FBN2: variants seen among roughly 807,000 people sequenced by gnomAD.
The protein encoded by FBN2 is fibrillin 2, also known as fibrillin-2.
A neutral mutation model predicts 355.6 loss-of-function variants in FBN2; 105 were observed. That is an observed-to-expected ratio of 0.30 (90% confidence interval 0.25 to 0.35). The LOEUF (loss-of-function observed/expected upper bound fraction) is 0.35, where lower values mean the gene tolerates loss of function less well. FBN2 is among the 10% of genes least tolerant of loss of function. The pLI is 1.00. For missense variants in FBN2, 3,280 were observed against 3,758.7 expected (o/e 0.87, Z 3.33); for synonymous variants, 1,350 against 1,301.2 (o/e 1.04, Z -0.81).
chr5:128,302,216 A>G (rs1749738511), intron 46 of FBN2, among the ~76,000 whole-genome samples: 1 of 152,238 alleles, frequency 6.6e-6, no homozygotes, highest in African/African-American at 2.4e-5. Flanking sequence ...GTAGTCCCAC[A>G]ATGGTAGAAA....
intron 5 of FBN2, among the ~76,000 whole-genome samples, chr5:128,467,479 A>C (rs1470867370): frequency 2.6e-5 from 4 of 152,158 alleles, no homozygotes; most frequent in African/African-American, 9.7e-5. Context: ...ATATTGTAAA[A>C]GAATTTAAAT....
intron 5 of FBN2, among the ~76,000 whole-genome samples, chr5:128,498,502 A>C (rs1050926892): frequency 3.9e-5 from 6 of 152,122 alleles, no homozygotes; most frequent in African/African-American, 1.4e-4. Context: ...CCTAGCACCA[A>C]CCAAGCCCTC....
At chr5:128,293,903 T>C (rs1177649666) in intron 48 of FBN2, among the ~76,000 whole-genome samples, 1 of 152,048 alleles carries the variant, frequency 6.6e-6, no homozygotes, top group Non-Finnish European at 1.5e-5. Context: ...TAGTTACATA[T>C]GTATACATGT....
At chr5:128,408,846 A>C in intron 7 of FBN2, 47 bp from the exon 8 acceptor site, 1 of 1,611,100 alleles carries the variant, frequency 6.2e-7, no homozygotes, top group Non-Finnish European at 8.5e-7. Flanking sequence ...GCCTTCATTA[A>C]ATAGCTTTTA....
At chr5:128,527,753 T>C (rs906618706) in intron 4 of FBN2, 119 bp downstream of exon 4, 3 of 717,310 alleles carry the variant, frequency 4.2e-6, no homozygotes, top group Non-Finnish European at 7.4e-6. Flanking sequence ...TTTTAAGGTA[T>C]GGTTTACTAC....
chr5:128,348,772 A>C (rs1218886689), intron 23 of FBN2, among the ~76,000 whole-genome samples: 1 of 152,228 alleles, frequency 6.6e-6, no homozygotes, highest in African/African-American at 2.4e-5. Flanking sequence ...ATTCAAGTTC[A>C]AACATGACAC....
chr5:128,397,401 G>A (rs1434564912), intron 8 of FBN2, among the ~76,000 whole-genome samples: 1 of 152,132 alleles, frequency 6.6e-6, no homozygotes, highest in Admixed American at 6.5e-5. Context: ...ATCTCTTCAA[G>A]GCTTCTACAA....
At chr5:128,353,912 T>A (rs1751433896) in intron 20 of FBN2, among the ~76,000 whole-genome samples, 1 of 152,108 alleles carries the variant, frequency 6.6e-6, no homozygotes, top group Non-Finnish European at 1.5e-5. Flanking sequence ...CTTGAAAAGC[T>A]ACAAATCCAT....
intron 5 of FBN2, among the ~76,000 whole-genome samples, chr5:128,488,653 C>G (rs987684706): frequency 1.4e-5 from 2 of 142,656 alleles, no homozygotes; most frequent in African/African-American, 2.6e-5. Context: ...CCTCCCCCTT[C>G]CCCCCACCCC....
At chr5:128,485,782 G>A (rs1248701523) in intron 5 of FBN2, among the ~76,000 whole-genome samples, 1 of 152,082 alleles carries the variant, frequency 6.6e-6, no homozygotes, top group Non-Finnish European at 1.5e-5. Context: ...AGGGAGGAAG[G>A]GCAAGAAGTG....
At chr5:128,456,019 A>AAAAAAAAAAAC (rs1754382095) in intron 6 of FBN2, among the ~76,000 whole-genome samples, 1 of 147,440 alleles carries the variant, frequency 6.8e-6, no homozygotes, top group Non-Finnish European at 1.5e-5. Context: ...AAAAAAAAAA[A>AAAAAAAAAAAC]AAAAGCAACT....
chr5:128,415,209 T>C (rs1458442780), intron 7 of FBN2, among the ~76,000 whole-genome samples: 1 of 152,210 alleles, frequency 6.6e-6, no homozygotes, highest in African/African-American at 2.4e-5. Flanking sequence ...GGTAAAAATA[T>C]TTCAAGTCCT....
rs557425589 is a variant in FBN2, at chr5:128,512,991, C to T, written c.628+6282G>A. Among the ~76,000 whole-genome samples the T allele has an allele frequency of 3.3e-5, 5 of 152,274 alleles. No homozygotes were observed. In the South Asian group the frequency reaches 8.3e-4, roughly 25 times the overall value. ...AAACAGGCATCAGATAGGGCAATCA[C>T]ATTTCTAAAGTTACATAGGTTTTAA... On this transcript the variant is annotated intron_variant, in intron 5 of 64. Transcript: ENST00000262464.
chr5:128,412,205 A>C (rs914699590), intron 7 of FBN2, among the ~76,000 whole-genome samples: 4 of 152,236 alleles, frequency 2.6e-5, no homozygotes, highest in African/African-American at 9.6e-5. Context: ...TCTGAAGTCT[A>C]GAAGTGGTTT....
chr5:128,441,876 G>C (rs1208048224), intron 7 of FBN2: 1 of 152,310 alleles, frequency 6.6e-6, no homozygotes, highest in Non-Finnish European at 1.5e-5. Flanking sequence ...TGTTTCCAAT[G>C]TTAGCAATCC....
chr5:128,260,847 G>C (rs1383780615), intron 64 of FBN2, among the ~76,000 whole-genome samples: 1 of 152,152 alleles, frequency 6.6e-6, no homozygotes, highest in African/African-American at 2.4e-5. Context: ...TAGGTTTTTT[G>C]GTGGGGTAAT....
chr5:128,310,395 TATA>T (rs1750016611), intron 39 of FBN2, among the ~76,000 whole-genome samples: 1 of 5,580 alleles, frequency 1.8e-4, no homozygotes, highest in African/African-American at 5.5e-4. Context: ...TATATATATA[TATA>T]TATATTTTTT....
chr5:128,306,850 A>G lies in FBN2; in HGVS notation c.5422+285T>C, dbSNP rs1428963056. Among the ~76,000 whole-genome samples, 5 of 152,210 alleles carry G rather than the reference A, an allele frequency of 3.3e-5. No individual in the cohort carries two copies. In the East Asian group the frequency reaches 9.6e-4, roughly 29 times the overall value. Reference sequence around the variant, plus strand: ...TAGATTATTTAGAGTCATGTAATACAATGTGCATGACAAGGACAACTGAAG... The same window carrying G: ...TAGATTATTTAGAGTCATGTAATACGATGTGCATGACAAGGACAACTGAAG... On this transcript the variant is annotated intron_variant, in intron 42 of 64. Coordinates refer to ENST00000262464, the MANE Select transcript of FBN2 (RefSeq NM_001999.4).
chr5:128,459,894 A>C (rs1754509321), intron 6 of FBN2, among the ~76,000 whole-genome samples: 1 of 152,180 alleles, frequency 6.6e-6, no homozygotes, highest in Admixed American at 6.5e-5. Context: ...TTCCCTTTGA[A>C]AACCGGCACA....
Sources: gnomAD v4.1 joint callset for allele counts (sites outside exome capture counted in the v4.1 genomes callset) on GRCh38, gnomAD v4.1.1 for gene constraint, MANE v1.5 for transcripts, NCBI Gene and HGNC (gene_info 2026-07-23, HGNC 2026-07-21) for gene names.